The following AKAP12 variants were observed in gnomAD, a reference collection of about 807,000 sequenced individuals.
AKAP12 encodes the protein A-kinase anchor protein 12.
In AKAP12, 32 loss-of-function variants were observed where a neutral mutation model predicts 79.9. The ratio of observed to expected loss-of-function variants is 0.40; its 90% CI spans 0.30 to 0.54. The LOEUF (loss-of-function observed/expected upper bound fraction) is 0.54. Among genes scored for constraint, AKAP12 ranks in the 20% least tolerant of loss-of-function variants. The pLI is 0.48. For missense variants in AKAP12, 2,074 were observed against 2,177.0 expected, an observed-to-expected ratio of 0.95 and a Z score of 0.94; for synonymous variants, 808 against 857.0, an observed-to-expected ratio of 0.94 and a Z score of 1.00.
At chr6:151,262,687 A>G (rs1359572643) in intron 2 of AKAP12, among the ~76,000 whole-genome samples, 2 of 152,166 alleles carry the variant, frequency 1.3e-5, no homozygotes, top group East Asian at 1.9e-4. Context: ...TGAATTAACT[A>G]AAGTTTAGAA....
chr6:151,312,178 A>G (rs562556276), intron 3 of AKAP12, among the ~76,000 whole-genome samples: 1 of 152,324 alleles, frequency 6.6e-6, no homozygotes, highest in African/African-American at 2.4e-5. Flanking sequence ...TGGCTAAAAT[A>G]TAAGAATCAA....
chr6:151,325,835 TCC>T (rs1777510076), intron 3 of AKAP12: 1 of 1,613,960 alleles, frequency 6.2e-7, no homozygotes, highest in Admixed American at 1.7e-5. Context: ...TAAGCTGATC[TCC>T]TGTACAGTAG....
intron 3 of AKAP12, among the ~76,000 whole-genome samples, chr6:151,332,033 G>GTTGTTTT (rs1303327962): frequency 1.3e-5 from 1 of 79,682 alleles, no homozygotes; most frequent in South Asian, 5.6e-4. Context: ...TTCTGGGTCT[G>GTTGTTTT]TTTTTTTTTT....
chr6:151,325,522 C>G, intron 3 of AKAP12: 1 of 985,298 alleles, frequency 1.0e-6, no homozygotes, highest in Non-Finnish European at 1.2e-6. Flanking sequence ...AGCACGTGAC[C>G]CCCTGCTTGT....
chr6:151,263,745 A>G (rs759873032), intron 2 of AKAP12, among the ~76,000 whole-genome samples: 14 of 151,980 alleles, frequency 9.2e-5, no homozygotes, highest in Admixed American at 3.9e-4. Flanking sequence ...CACCTGGCTA[A>G]TTTTTGTATT....
At position 151,349,888 on chromosome 6, in the gene AKAP12, G is replaced by C. The variant is rs148923114; in HGVS notation, c.1497G>C (p.Glu499Asp). The change falls in exon 4 of 5, where the codon GAG (glutamate) becomes GAC (aspartate). Residue 499 changes from glutamate to aspartate, a missense_variant. Glu to Asp is a conservative substitution (Grantham distance 45). Transcript: ENST00000402676. ...LSKPPEGVVS[E>D]VEMLSSQERM... ...AACCCCCCGAAGGCGTTGTGAGTGA[G>C]GTGGAAATGCTGTCATCACAGGAGA... 3.1e-6 allele frequency: 5 copies of C among 1,614,060 alleles called. No homozygotes were observed. Among genetic ancestry groups the C allele is most frequent in the Non-Finnish European group, 3.4e-6 (4 of 1,180,056 alleles).
chr6:151,348,335 A>AG (rs1406523748), intron 3 of AKAP12: 3 of 456,584 alleles, frequency 6.6e-6, no homozygotes, highest in African/African-American at 6.0e-5. Context: ...AAAAAAAAAA[A>AG]AAAAAAAAGT....
chr6:151,330,809 G>GA (rs1004166382), intron 3 of AKAP12, among the ~76,000 whole-genome samples: 2 of 151,590 alleles, frequency 1.3e-5, no homozygotes, highest in African/African-American at 4.8e-5. Context: ...GGAAAAGTGA[G>GA]AAAAAAAAGA....
intron 2 of AKAP12, among the ~76,000 whole-genome samples, chr6:151,277,974 CTGTCTGTT>C (rs146626854): frequency 0.23 from 22,070 of 95,258 alleles, 1,809 homozygotes; most frequent in Middle Eastern, 0.33. Context: ...GTGTGTGTGT[CTGTCTGTT>C]TATTTTTTTC....
chr6:151,328,164 A>G (rs1777575668), intron 3 of AKAP12, among the ~76,000 whole-genome samples: 1 of 151,330 alleles, frequency 6.6e-6, no homozygotes, highest in Non-Finnish European at 1.5e-5. Flanking sequence ...CGTCTCTAGT[A>G]AAAATACAAA....
intron 3 of AKAP12, among the ~76,000 whole-genome samples, chr6:151,312,747 G>C (rs910427228): frequency 7.1e-6 from 1 of 141,534 alleles, no homozygotes; most frequent in Admixed American, 7.4e-5. Context: ...AGCCGAGATC[G>C]TGCCACTGCA....
Position 151,350,617 on chromosome 6 carries a change from C to T in AKAP12, c.2226C>T (p.Ser742=), listed in dbSNP as rs1419175354. The change falls in exon 4 of 5, where the codon TCC becomes TCT. Residue 742 remains serine, a synonymous_variant. Transcript: ENST00000402676. The surrounding 1 kb of genome is among the most constrained non-coding windows in gnomAD (Gnocchi z 4.8). ...AACATGATCCAGGGCAGGGAAGTTC[C>T]TCCCCGGAGCAAGCTGGAAGCCCTA... ...SQEHDPGQGS[S]SPEQAGSPTE... 6.2e-7 allele frequency: 1 copy of T among 1,614,068 alleles called. No homozygotes were observed. Among genetic ancestry groups the T allele is most frequent in the Non-Finnish European group, 8.5e-7 (1 of 1,180,034 alleles).
At chr6:151,255,451 G>A (rs1193845514) in intron 2 of AKAP12, among the ~76,000 whole-genome samples, 6 of 151,540 alleles carry the variant, frequency 4.0e-5, no homozygotes, top group East Asian at 2.0e-4. Flanking sequence ...GTGAGCCACC[G>A]CGCCTGGCTG....
At chr6:151,287,231 G>T (rs1419745709) in intron 2 of AKAP12, among the ~76,000 whole-genome samples, 1 of 151,726 alleles carries the variant, frequency 6.6e-6, no homozygotes, top group African/African-American at 2.4e-5. Flanking sequence ...GAACCACCAC[G>T]CCCGGTCTAT....
intron 2 of AKAP12, among the ~76,000 whole-genome samples, chr6:151,257,338 C>T (rs1169395353): frequency 6.6e-6 from 1 of 152,082 alleles, no homozygotes; most frequent in Non-Finnish European, 1.5e-5. Flanking sequence ...GCTCTGTCGC[C>T]CAGGCTGGAG....
intron 2 of AKAP12, among the ~76,000 whole-genome samples, chr6:151,288,077 T>G: frequency 6.9e-6 from 1 of 145,134 alleles, no homozygotes; most frequent in African/African-American, 2.6e-5. Context: ...AGTGGGGGGC[T>G]AGGGGAGGGA....
Position 151,357,244 on chromosome 6 carries a change from A to G in AKAP12, c.*1530A>G. 1 of 154,286 alleles carries G rather than the reference A, an allele frequency of 6.5e-6. No homozygotes were observed. The highest frequency in any genetic ancestry group is 1.4e-5 in the Non-Finnish European group (1 of 69,626). The allele number at this position is 154,286 out of a possible 1,614,324, so 9.6% of individuals were successfully genotyped here. On this transcript the variant is annotated 3_prime_UTR_variant, in exon 5 of 5. Coordinates refer to ENST00000402676, the MANE Select transcript of AKAP12 (RefSeq NM_005100.4). Reference sequence around the variant, plus strand: ...GCTCTTGTTGCCCAGGCTGGAGTGCAATGGCACGATCTCAGCTCACCGCAA... The same window carrying G: ...GCTCTTGTTGCCCAGGCTGGAGTGCGATGGCACGATCTCAGCTCACCGCAA...
At chr6:151,290,852 C>A (rs865947779) in intron 2 of AKAP12, among the ~76,000 whole-genome samples, 1 of 152,152 alleles carries the variant, frequency 6.6e-6, no homozygotes, top group African/African-American at 2.4e-5. Context: ...TCAGATGATC[C>A]GCCCGCCTCG....
intron 2 of AKAP12, among the ~76,000 whole-genome samples, chr6:151,254,923 A>C (rs774642179): frequency 6.6e-6 from 1 of 152,186 alleles, no homozygotes; most frequent in Non-Finnish European, 1.5e-5. Context: ...AGGTCATGTT[A>C]AAGTATTACA....
Sources: gnomAD v4.1 joint callset for allele counts (sites outside exome capture counted in the v4.1 genomes callset) on GRCh38, gnomAD v4.1.1 for gene constraint, Gnocchi (gnomAD v3.1) non-coding constraint, MANE v1.5 for transcripts, NCBI Gene and HGNC (gene_info 2026-07-23, HGNC 2026-07-21) for gene names.